HACE1: variants seen among roughly 807,000 people sequenced by gnomAD.
HACE1 encodes the protein E3 ubiquitin-protein ligase HACE1.
In HACE1, 73 loss-of-function variants were observed where a neutral mutation model predicts 118.4. The ratio of observed to expected loss-of-function variants is 0.62; its 90% CI spans 0.51 to 0.75. The LOEUF (loss-of-function observed/expected upper bound fraction) is 0.75. HACE1 is among the 30% of genes least tolerant of loss of function. HACE1 has a pLI of 0.00. For missense variants in HACE1, 749 were observed against 1,102.2 expected, an observed-to-expected ratio of 0.68 and a Z score of 4.54; for synonymous variants, 368 against 374.8, an observed-to-expected ratio of 0.98 and a Z score of 0.21.
At chr6:104,838,301 C>T (rs968054127) in intron 5 of HACE1, among the ~76,000 whole-genome samples, 1 of 152,108 alleles carries the variant, frequency 6.6e-6, no homozygotes, top group Admixed American at 6.6e-5. Flanking sequence ...TACCTGACTT[C>T]AAATCATACT....
At position 104,797,058 on chromosome 6, in the gene HACE1, A is replaced by G. The variant is rs759613812; in HGVS notation, c.618-33T>C. The G allele has an allele frequency of 4.4e-6, 5 of 1,146,500 alleles. No homozygotes were observed. In the African/African-American group the frequency reaches 6.1e-5, roughly 14 times the overall value. The allele number at this position is 1,146,500 out of a possible 1,614,324, so 71.0% of individuals were successfully genotyped here. A position where few individuals can be genotyped will look rare whatever the true frequency, so the allele number is the denominator to read the frequency against. ...GAAATAGAAACAAGTTAAAAATACA[A>G]TCTTTTTAAAGTCTTTCTCTATGAA... On this transcript the variant is annotated intron_variant, in intron 7 of 23. Coordinates refer to ENST00000262903, the MANE Select transcript of HACE1 (RefSeq NM_020771.4).
intron 5 of HACE1, among the ~76,000 whole-genome samples, chr6:104,836,241 A>G (rs1774523010): frequency 6.6e-6 from 1 of 152,220 alleles, no homozygotes; most frequent in Admixed American, 6.5e-5. Flanking sequence ...AAGTCTCCGT[A>G]AGAGACTCCT....
At chr6:104,832,076 C>T (rs1774050904) in intron 6 of HACE1, among the ~76,000 whole-genome samples, 1 of 151,842 alleles carries the variant, frequency 6.6e-6, no homozygotes, top group African/African-American at 2.4e-5. Flanking sequence ...GTTACTTGTA[C>T]CATACACAAT....
chr6:104,761,983 T>C (rs1779409420), intron 19 of HACE1, among the ~76,000 whole-genome samples: 1 of 152,052 alleles, frequency 6.6e-6, no homozygotes, highest in African/African-American at 2.4e-5. Context: ...GAAATGCAAA[T>C]CAAAACCACA....
chr6:104,798,101 G>C (rs185240875), intron 7 of HACE1, among the ~76,000 whole-genome samples: 226 of 150,088 alleles, frequency 1.5e-3, no homozygotes, highest in Admixed American at 0.014. Context: ...AGAAAGAAAA[G>C]AGAAGAAAAG....
At chr6:104,801,545 G>A (rs997733952) in intron 7 of HACE1, among the ~76,000 whole-genome samples, 1 of 152,224 alleles carries the variant, frequency 6.6e-6, no homozygotes, top group Admixed American at 6.5e-5. Flanking sequence ...AGCCAGAAGA[G>A]AGTGGGGGCT....
intron 22 of HACE1, chr6:104,732,454 A>T (rs1024091932): frequency 4.6e-5 from 7 of 152,212 alleles, no homozygotes; most frequent in Non-Finnish European, 8.8e-5. Context: ...ACAAAAGGAC[A>T]AATATTGTAT....
chr6:104,790,670 C>G (rs1486309609), intron 11 of HACE1, among the ~76,000 whole-genome samples: 1 of 152,190 alleles, frequency 6.6e-6, no homozygotes, highest in Non-Finnish European at 1.5e-5. Flanking sequence ...GGGAGCATCA[C>G]CTGAGCCCAG....
chr6:104,842,862 A>G (rs774710080), intron 5 of HACE1, among the ~76,000 whole-genome samples: 9 of 152,182 alleles, frequency 5.9e-5, no homozygotes, highest in Non-Finnish European at 7.3e-5. Flanking sequence ...CTATAATCCC[A>G]GCACTTTGGG....
chr6:104,752,387 G>A (rs1177299061), intron 19 of HACE1, among the ~76,000 whole-genome samples: 1 of 152,124 alleles, frequency 6.6e-6, no homozygotes, highest in Non-Finnish European at 1.5e-5. Flanking sequence ...ATTAGCACAT[G>A]ACTATATTTC....
chr6:104,740,901 A>G (rs1451583945), intron 22 of HACE1, among the ~76,000 whole-genome samples: 2 of 122,232 alleles, frequency 1.6e-5, no homozygotes, highest in Non-Finnish European at 3.3e-5. Flanking sequence ...CATTGATGCA[A>G]AAATCCTCAA....
At chr6:104,776,690 G>A (rs549430025) in intron 17 of HACE1, 51 bp downstream of exon 17, 4 of 1,035,362 alleles carry the variant, frequency 3.9e-6, no homozygotes, top group East Asian at 4.7e-5. Flanking sequence ...CTGAAATAGT[G>A]TGAAAAATGT....
chr6:104,728,376 A>G lies in HACE1; in HGVS notation c.*1286T>C, dbSNP rs182373948. 13 of 152,326 alleles carry G rather than the reference A, an allele frequency of 8.5e-5. No homozygotes were observed. Among genetic ancestry groups the G allele is most frequent in the Admixed American group, 8.5e-4 (13 of 15,300 alleles). The allele number at this position is 152,326 out of a possible 1,614,324, so 9.4% of individuals were successfully genotyped here. On this transcript the variant is annotated 3_prime_UTR_variant, in exon 24 of 24. Transcript: ENST00000262903. ...TTTTAGAGCTAATGGTAACTTTTAA[A>G]TAATTCCTAAATTTCATGTAATCTG...
chr6:104,785,974 A>G (rs1407482130), intron 11 of HACE1: 1 of 152,194 alleles, frequency 6.6e-6, no homozygotes, highest in Non-Finnish European at 1.5e-5. Context: ...ACTTACAGAC[A>G]CAATCCATTT....
chr6:104,736,145 T>C (rs1267334694), intron 22 of HACE1, among the ~76,000 whole-genome samples: 1 of 151,892 alleles, frequency 6.6e-6, no homozygotes, highest in East Asian at 1.9e-4. Context: ...TATTTTTTCA[T>C]CCTTTTTATT....
chr6:104,784,420 T>C lies in HACE1; in HGVS notation c.1475A>G (p.Asn492Ser). ...TCCACAAACCCAGAAAGCTTACCTA[T>C]TAACAAAGCATTTTAAAACTTCATC... ...KHDEVLKCFVNRNPKIIFDHF... is the reference protein window; with the variant it reads ...KHDEVLKCFVSRNPKIIFDHF... Residue 492 changes from asparagine to serine, a missense_variant, in exon 13 of 24, where the codon AAT (asparagine) becomes AGT (serine). Asn to Ser is a conservative substitution (Grantham distance 46, BLOSUM62 1). Coordinates refer to ENST00000262903, the MANE Select transcript of HACE1 (RefSeq NM_020771.4). 6.2e-7 allele frequency: 1 copy of C among 1,606,058 alleles called. No individual in the cohort carries two copies. Among genetic ancestry groups the C allele is most frequent in the Non-Finnish European group, 8.5e-7 (1 of 1,172,826 alleles).
At chr6:104,742,441 G>C (rs1353855380) in intron 22 of HACE1, among the ~76,000 whole-genome samples, 367 of 143,284 alleles carry the variant, frequency 2.6e-3, no homozygotes, top group African/African-American at 6.4e-3. Context: ...CCAGAATCTA[G>C]AATGAACTCA....
chr6:104,766,349 C>A (rs1340345761), intron 19 of HACE1, among the ~76,000 whole-genome samples: 1 of 152,056 alleles, frequency 6.6e-6, no homozygotes, highest in South Asian at 2.1e-4. Flanking sequence ...TTCTGAGTGC[C>A]CCCTGGTCAT....
At chr6:104,840,240 T>G (rs1774961454) in intron 5 of HACE1, among the ~76,000 whole-genome samples, 2 of 152,162 alleles carry the variant, frequency 1.3e-5, no homozygotes. Context: ...AAATAAAATG[T>G]TATGCAAGAA....
Sources: gnomAD v4.1 joint callset for allele counts (sites outside exome capture counted in the v4.1 genomes callset) on GRCh38, gnomAD v4.1.1 for gene constraint, MANE v1.5 for transcripts, NCBI Gene and HGNC (gene_info 2026-07-23, HGNC 2026-07-21) for gene names.